The following PEF1 variants were observed in gnomAD, a reference collection of about 807,000 sequenced individuals.
PEF1 encodes the protein penta-EF-hand domain containing 1.
A neutral mutation model predicts 32.0 loss-of-function variants in PEF1; 17 were observed. That is an observed-to-expected ratio of 0.53 (90% CI 0.36 to 0.80). The LOEUF is 0.80. Ranked by LOEUF, PEF1 falls within the 30% of genes least tolerant of loss-of-function variation. The pLI, the probability that PEF1 is intolerant of heterozygous loss-of-function variation, is 0.00. For synonymous variants in PEF1, 130 were observed against 139.8 expected (o/e 0.93, Z 0.50); for missense variants, 362 against 369.1 (o/e 0.98, Z 0.16).
chr1:31,630,744 G>C lies in PEF1; in HGVS notation c.724C>G (p.Arg242Gly). The C allele has an allele frequency of 1.2e-6, 2 of 1,614,138 alleles. No individual in the cohort carries two copies. Among genetic ancestry groups the C allele is most frequent in the Non-Finnish European group, 1.7e-6 (2 of 1,180,038 alleles). Residue 242 changes from arginine (R) to glycine (G), a missense_variant, in exon 5 of 5, where the codon CGC (arginine) becomes GGC (glycine). Arg to Gly is a moderately radical substitution (Grantham distance 125). Transcript: ENST00000373703. ...AGCTGGGTGCACACCTGGATGAAGC[G>C]GTCAAGCTGCATGGCAGGATTGGCA... ...RSANPAMQLD[R>G]FIQVCTQLQV... is the part of the protein sequence containing the mutation.
At chr1:31,632,415 A>G in intron 4 of PEF1, 80 bp downstream of exon 4, 1 of 1,601,666 alleles carries the variant, frequency 6.2e-7, no homozygotes, top group Non-Finnish European at 8.6e-7. Context: ...AACAAGAGGA[A>G]ACCCCTTTGT....
chr1:31,632,243 T>C, intron 4 of PEF1: 2 of 659,924 alleles, frequency 3.0e-6, no homozygotes, highest in Non-Finnish European at 5.5e-6. Flanking sequence ...TCCCTGTGGC[T>C]GGGGCCGTCT....
chr1:31,639,955 A>C (rs1433738556), intron 1 of PEF1, among the ~76,000 whole-genome samples: 1 of 152,218 alleles, frequency 6.6e-6, no homozygotes, highest in Admixed American at 6.5e-5. Context: ...AATGAAAAAC[A>C]GCATCCCTGA....
At chr1:31,634,884 C>A in intron 2 of PEF1, 2 of 496,450 alleles carry the variant, frequency 4.0e-6, no homozygotes, top group South Asian at 3.1e-5. Context: ...TCTCCTGCTC[C>A]TTCTCTCTGC....
rs765651907 is a variant in PEF1 at position 31,635,307 on chromosome 1, T to C, written c.240A>G (p.Pro80=). ...GMFPSGTPGG[P]YGGAAPGGPY... is the part of the protein sequence containing the mutation. Reference sequence around the variant, plus strand: ...GGCCCCCGGGAGCTGCACCGCCATATGGTCCTCCTGGAGTTCCAGAGGGGA... The same window carrying C: ...GGCCCCCGGGAGCTGCACCGCCATACGGTCCTCCTGGAGTTCCAGAGGGGA... Residue 80 remains proline (P), a synonymous_variant, in exon 2 of 5, where the codon CCA becomes CCG. Coordinates refer to ENST00000373703, the MANE Select transcript of PEF1 (RefSeq NM_012392.4). The C allele has an allele frequency of 3.7e-6, 6 of 1,613,958 alleles. No homozygotes were observed. Among genetic ancestry groups the C allele is most frequent in the Non-Finnish European group, 2.5e-6 (3 of 1,179,994 alleles).
intron 1 of PEF1, among the ~76,000 whole-genome samples, chr1:31,636,476 C>G (rs1300146124): frequency 6.6e-6 from 1 of 152,016 alleles, no homozygotes; most frequent in Non-Finnish European, 1.5e-5. Flanking sequence ...GATCCGATCT[C>G]AAAACAAACA....
intron 1 of PEF1, among the ~76,000 whole-genome samples, chr1:31,643,303 G>A (rs1185789007): frequency 6.7e-6 from 1 of 150,244 alleles, no homozygotes; most frequent in Non-Finnish European, 1.5e-5. Flanking sequence ...ATAGCTTGTG[G>A]TCAATAAACT....
chr1:31,635,195 T>A (rs1640219638), intron 2 of PEF1, 27 bp downstream of exon 2: 2 of 1,610,064 alleles, frequency 1.2e-6, no homozygotes, highest in African/African-American at 1.3e-5. Context: ...ACGTCAGAGG[T>A]ACCCGGAGTC....
intron 1 of PEF1, among the ~76,000 whole-genome samples, chr1:31,643,799 T>C (rs1640471071): frequency 6.6e-6 from 1 of 152,204 alleles, no homozygotes; most frequent in Admixed American, 6.5e-5. Flanking sequence ...ATGGATTTCA[T>C]CTCCTAAATA....
At chr1:31,633,026 T>G in intron 3 of PEF1, 133 bp downstream of exon 3, 1 of 1,106,726 alleles carries the variant, frequency 9.0e-7, no homozygotes, top group South Asian at 1.7e-5. Flanking sequence ...ACCCTGAACC[T>G]AGCTTCCTCC....
In PEF1 at chr1:31,635,387, G is replaced by A; in HGVS notation, c.160C>T (p.Pro54Ser). 6.2e-7 allele frequency: 1 copy of A among 1,613,488 alleles called. No homozygotes were observed. The highest frequency in any genetic ancestry group is 8.5e-7 in the Non-Finnish European group (1 of 1,179,776). ...CCTCCACCAGCTGGTGGTCCATAAG[G>A]CCCTCCAGGGGCAGGACCCCCATAA... ...GGYGGPAPGG[P>S]YGPPAGGGPY... The change falls in exon 2 of 5, where the codon CCT becomes TCT. Residue 54 changes from proline (P) to serine (S), a missense_variant. Physicochemically the swap from Pro to Ser is moderately conservative, Grantham distance 74. Coordinates refer to ENST00000373703, the MANE Select transcript of PEF1 (RefSeq NM_012392.4).
At chr1:31,644,612 A>G in intron 1 of PEF1, 1 of 1,440,922 alleles carries the variant, frequency 6.9e-7, no homozygotes, top group Non-Finnish European at 9.1e-7. Context: ...CAAATCCTCG[A>G]GTGAGCGACG....
intron 3 of PEF1, 101 bp from the exon 4 acceptor site, chr1:31,632,739 T>A: frequency 7.2e-7 from 1 of 1,395,692 alleles, no homozygotes; most frequent in Non-Finnish European, 9.7e-7. Flanking sequence ...CAGGCTGGAG[T>A]AGGCGACTTC....
intron 1 of PEF1, among the ~76,000 whole-genome samples, chr1:31,640,667 G>A (rs1640370626): frequency 6.6e-6 from 1 of 152,076 alleles, no homozygotes; most frequent in African/African-American, 2.4e-5. Flanking sequence ...AGTTAATAAT[G>A]GAATCTCTGC....
chr1:31,640,462 T>C (rs1640365832), intron 1 of PEF1, among the ~76,000 whole-genome samples: 1 of 152,138 alleles, frequency 6.6e-6, no homozygotes, highest in Non-Finnish European at 1.5e-5. Context: ...AATGTCTTTG[T>C]CAAATATAAT....
chr1:31,633,980 A>C (rs963908517), intron 2 of PEF1, among the ~76,000 whole-genome samples: 1 of 151,498 alleles, frequency 6.6e-6, no homozygotes, highest in Non-Finnish European at 1.5e-5. Flanking sequence ...AAAAAAACCC[A>C]AAAAAAACAG....
chr1:31,640,970 G>A (rs1640377875), intron 1 of PEF1, among the ~76,000 whole-genome samples: 1 of 152,142 alleles, frequency 6.6e-6, no homozygotes, highest in South Asian at 2.1e-4. Context: ...ACAATCACAG[G>A]AAGACAAGAG....
At chr1:31,634,533 T>A (rs531185959) in intron 2 of PEF1, among the ~76,000 whole-genome samples, 12 of 152,306 alleles carry the variant, frequency 7.9e-5, no homozygotes, top group Non-Finnish European at 1.5e-4. Context: ...AACGGATATT[T>A]AAACTGAGTT....
At chr1:31,633,536 T>C (rs904757338) in intron 2 of PEF1, among the ~76,000 whole-genome samples, 2 of 152,232 alleles carry the variant, frequency 1.3e-5, no homozygotes, top group Non-Finnish European at 2.9e-5. Context: ...AGTTCTCGTA[T>C]AGTGTTCCAG....
Sources: allele counts gnomAD v4.1 joint callset (sites outside exome capture counted in the v4.1 genomes callset), GRCh38; gene constraint gnomAD v4.1.1; transcripts MANE v1.5; gene names NCBI Gene and HGNC (gene_info 2026-07-23, HGNC 2026-07-21).